The following CASZ1 variants were observed in gnomAD, a reference collection of about 807,000 sequenced individuals.
CASZ1 encodes the protein zinc finger protein castor homolog 1.
CASZ1 carries 28 observed loss-of-function variants against 135.2 expected under a neutral mutation model. That is an observed-to-expected ratio of 0.21 (90% confidence interval 0.15 to 0.28). The LOEUF is 0.28. Ranked by LOEUF, CASZ1 falls within the 10% of genes least tolerant of loss-of-function variation. CASZ1 has a pLI of 1.00. For synonymous variants in CASZ1, 1,068 were observed against 1,073.4 expected (o/e 0.99, Z 0.10); for missense variants, 2,161 against 2,453.3 (o/e 0.88, Z 2.52).
At chr1:10,645,167 TG>T in intron 17 of CASZ1, 79 bp from the exon 18 acceptor site, 1 of 1,267,064 alleles carries the variant, frequency 7.9e-7, no homozygotes, top group Admixed American at 1.9e-5. Context: ...GAGGCTGTGG[TG>T]GGCCCTTGGC....
rs775006742 is a variant in CASZ1, at chr1:10,719,151, C to T, written c.-76-13607G>A. On this transcript the variant is annotated intron_variant, in intron 2 of 20. Transcript: ENST00000377022. The surrounding 1 kb of genome is among the most constrained non-coding windows in gnomAD (Gnocchi z 4.0). ...CAGACTAGTCTCGAACTCCTGACCT[C>T]AAGCAATCTGCCCGCTTCCGGCTCC... Among the ~76,000 whole-genome samples, 50 of 152,148 alleles carry T rather than the reference C, an allele frequency of 3.3e-4. No homozygotes were observed. The highest frequency in any genetic ancestry group is 8.8e-5 in the Non-Finnish European group (6 of 68,044).
rs748977966 is a variant in CASZ1 at position 10,647,781 on chromosome 1, C to T, written c.3497+20G>A. 6.8e-6 allele frequency: 11 copies of T among 1,612,554 alleles called. No individual in the cohort carries two copies. The highest frequency in any genetic ancestry group is 1.7e-5 in the Admixed American group (1 of 59,998). ...AGACGCGAGGGGAACGCGGGACTCC[C>T]GGCTCATCGAGGGACTCACTTCTCC... On this transcript the variant is annotated intron_variant, in intron 16 of 20. Coordinates refer to ENST00000377022, the MANE Select transcript of CASZ1 (RefSeq NM_001079843.3). This position sits in a 1 kb window ranked among gnomAD's most constrained non-coding sequence, Gnocchi z 4.9.
rs961461518 is a variant in CASZ1, at chr1:10,706,775, G to T, written c.-76-1231C>A. Among the ~76,000 whole-genome samples the T allele has an allele frequency of 2.6e-5, 4 of 152,168 alleles. No homozygotes were observed. The highest frequency in any genetic ancestry group is 5.9e-5 in the Non-Finnish European group (4 of 68,012). ...ATACAGGGCTCTGGGAGGGCTGAGAGCCCGGTGGGTTGGTGGTTAGGAAGT... is the reference window on the plus strand; with the variant it reads ...ATACAGGGCTCTGGGAGGGCTGAGATCCCGGTGGGTTGGTGGTTAGGAAGT... On this transcript the variant is annotated intron_variant, in intron 2 of 20. Transcript: ENST00000377022. This position sits in a 1 kb window ranked among gnomAD's most constrained non-coding sequence, Gnocchi z 4.3.
In CASZ1 at chr1:10,776,784, C is replaced by T. The variant is rs1382840572; in HGVS notation, c.-233-15927G>A. 6.6e-6 allele frequency among the ~76,000 whole-genome samples: 1 copy of T among 152,176 alleles called. No homozygotes were observed. Among genetic ancestry groups the T allele is most frequent in the Non-Finnish European group, 1.5e-5 (1 of 68,022 alleles). ...GGAAGGGGTGACGGCTCTATGGGGG[C>T]CAACCCTCTTGCTCATCTTGGGAGG... is the stretch of plus-strand genomic sequence containing the variant. On this transcript the variant is annotated intron_variant, in intron 1 of 20. Coordinates refer to ENST00000377022, the MANE Select transcript of CASZ1 (RefSeq NM_001079843.3). The surrounding 1 kb of genome is among the most constrained non-coding windows in gnomAD (Gnocchi z 4.1).
At chr1:10,693,735 G>A (rs988960919) in intron 4 of CASZ1, 139 bp downstream of exon 4, 1 of 806,302 alleles carries the variant, frequency 1.2e-6, no homozygotes. Flanking sequence ...CCGAGGCCGG[G>A]ACGCCGGGAG....
Position 10,719,034 on chromosome 1 carries a change from TC to T in CASZ1, c.-76-13491del, listed in dbSNP as rs1192063883. 6.6e-6 allele frequency among the ~76,000 whole-genome samples: 1 copy of T among 152,154 alleles called. No homozygotes were observed. The highest frequency in any genetic ancestry group is 2.4e-5 in the African/African-American group (1 of 41,432). Reference sequence around the variant, plus strand: ...TTCAAGCAATTGTTGTGCCTCAGCCTCCCGAGTAACTGGGATTACAGGCACT... The same window carrying T: ...TTCAAGCAATTGTTGTGCCTCAGCCTCCGAGTAACTGGGATTACAGGCACT... On this transcript the variant is annotated intron_variant, in intron 2 of 20. Transcript: ENST00000377022. The surrounding 1 kb of genome is among the most constrained non-coding windows in gnomAD (Gnocchi z 4.0).
Position 10,706,336 on chromosome 1 carries a change from C to G in CASZ1, c.-76-792G>C, listed in dbSNP as rs893424017. ...GTGGAGAGAAAACACAGGGAGTCCC[C>G]CCGCCAGCCTGCTGGCCAGGCCCCC... On this transcript the variant is annotated intron_variant, in intron 2 of 20. Transcript: ENST00000377022. This position sits in a 1 kb window ranked among gnomAD's most constrained non-coding sequence, Gnocchi z 4.3. Among the ~76,000 whole-genome samples, 3 of 152,170 alleles carry G rather than the reference C, an allele frequency of 2.0e-5. No individual in the cohort carries two copies. The highest frequency in any genetic ancestry group is 7.2e-5 in the African/African-American group (3 of 41,446).
In CASZ1 at chr1:10,701,610, CA is replaced by C. The variant is rs1033049254; in HGVS notation, c.-24+3881del. On this transcript the variant is annotated intron_variant, in intron 3 of 20. Coordinates refer to ENST00000377022, the MANE Select transcript of CASZ1 (RefSeq NM_001079843.3). This position sits in a 1 kb window ranked among gnomAD's most constrained non-coding sequence, Gnocchi z 6.3. ...CAGTGCGGGAGAGAGGAAGTACCAC[CA>C]GGGCTAAGGGGAGCTTCTGTCCTGC... Among the ~76,000 whole-genome samples, 5 of 152,168 alleles carry C rather than the reference CA, an allele frequency of 3.3e-5. No individual in the cohort carries two copies.
intron 4 of CASZ1, among the ~76,000 whole-genome samples, chr1:10,680,276 G>A (rs1308888501): frequency 7.1e-6 from 1 of 140,714 alleles, no homozygotes; most frequent in Non-Finnish European, 1.6e-5. Context: ...GGGGCGGGGC[G>A]GCGGGGGATG....
In CASZ1 at chr1:10,665,189, T is replaced by C. The variant is rs751410573; in HGVS notation, c.399A>G (p.Glu133=). 1.3e-5 allele frequency: 21 copies of C among 1,573,690 alleles called. No homozygotes were observed. The Middle Eastern group carries it at 8.5e-4, about 64-fold the overall frequency. The change falls in exon 5 of 21, where the codon GAA becomes GAG. Residue 133 remains glutamate (E), a synonymous_variant. Coordinates refer to ENST00000377022, the MANE Select transcript of CASZ1 (RefSeq NM_001079843.3). ...MVQPQGCSDE[E]DHAEEPSKDG... ...CCTTGGAGGGCTCCTCCGCGTGGTCTTCCTCATCGCTGCACCCCTGGGGCT... is the reference window on the plus strand; with the variant it reads ...CCTTGGAGGGCTCCTCCGCGTGGTCCTCCTCATCGCTGCACCCCTGGGGCT...
At position 10,647,167 on chromosome 1, in the gene CASZ1, A is replaced by T; in HGVS notation, c.3497+634T>A. The T allele has an allele frequency of 1.1e-6, 1 of 915,784 alleles. No individual in the cohort carries two copies. Among genetic ancestry groups the T allele is most frequent in the Middle Eastern group, 5.6e-4 (1 of 1,786 alleles). 56.7% of individuals were successfully genotyped at this position (915,784 alleles called of 1,614,324 possible). ...TGGGCCCCTTCCATGCTGTGGGCCC[A>T]GCCCCAGTTGCTCAGAGAGGGAGGA... On this transcript the variant is annotated intron_variant, in intron 16 of 20. Coordinates refer to ENST00000377022, the MANE Select transcript of CASZ1 (RefSeq NM_001079843.3). This position sits in a 1 kb window ranked among gnomAD's most constrained non-coding sequence, Gnocchi z 4.9.
At position 10,743,671 on chromosome 1, in the gene CASZ1, G is replaced by GGGT. The variant is rs60105451; in HGVS notation, c.-77+17029_-77+17030insACC. On this transcript the variant is annotated intron_variant, in intron 2 of 20. Transcript: ENST00000377022. Reference sequence around the variant, plus strand: ...TTATGACAGTCTCCAAAATGGGGGGGCGGGGTGCGGGGGGAGGAGAAGAGG... The same window carrying GGGT: ...TTATGACAGTCTCCAAAATGGGGGGGGGTCGGGGTGCGGGGGGAGGAGAAGAGG... Among the ~76,000 whole-genome samples the GGGT allele has an allele frequency of 5.4e-3, 753 of 138,404 alleles. 9 individuals carry two copies. Among genetic ancestry groups the GGGT allele is most frequent in the African/African-American group, 0.019 (709 of 36,906 alleles). The allele number at this position is 138,404 out of a possible 152,430, so 90.8% of individuals were successfully genotyped here. A position where few individuals can be genotyped will look rare whatever the true frequency, so the allele number is the denominator to read the frequency against.
intron 15 of CASZ1, 21 bp from the exon 16 acceptor site, chr1:10,648,160 G>C: frequency 1.4e-6 from 2 of 1,469,730 alleles, no homozygotes; most frequent in Non-Finnish European, 1.8e-6. Flanking sequence ...TAGAAGAGGG[G>C]GTCTCATGGG....
intron 5 of CASZ1, 29 bp downstream of exon 5, chr1:10,665,054 C>T (rs1480771638): frequency 6.7e-7 from 1 of 1,496,104 alleles, no homozygotes; most frequent in Non-Finnish European, 8.9e-7. Context: ...TCCTGGCCTT[C>T]AGCCTCCCTT....
chr1:10,672,435 C>T (rs1025097000), intron 4 of CASZ1, among the ~76,000 whole-genome samples: 4 of 150,050 alleles, frequency 2.7e-5, no homozygotes, highest in Admixed American at 6.6e-5. Flanking sequence ...GTCCTTGGGA[C>T]GGACAGTGAT....
In CASZ1 at chr1:10,694,914, T is replaced by G. The variant is rs1000888463; in HGVS notation, c.-23-1002A>C. 7.0e-6 allele frequency among the ~76,000 whole-genome samples: 1 copy of G among 142,540 alleles called. No individual in the cohort carries two copies. The highest frequency in any genetic ancestry group is 2.5e-5 in the African/African-American group (1 of 39,600). The allele number at this position is 142,540 out of a possible 152,430, so 93.5% of individuals were successfully genotyped here. A position where few individuals can be genotyped will look rare whatever the true frequency, so the allele number is the denominator to read the frequency against. ...GCCGGCGGCCGCGCGCGCGCTCGCA[T>G]GCTGCCAGCGGCCGCTCGGGCCCCG... On this transcript the variant is annotated intron_variant, in intron 3 of 20. Transcript: ENST00000377022. The surrounding 1 kb of genome is among the most constrained non-coding windows in gnomAD (Gnocchi z 6.6).
chr1:10,665,102 G>T lies in CASZ1; in HGVS notation c.486C>A (p.Pro162=), dbSNP rs368530771. Residue 162 remains proline, a synonymous_variant, in exon 5 of 21, where the codon CCC becomes CCA. Transcript: ENST00000377022. The part of the protein sequence containing the change: ...DGAASKEDSG[P]STRQASGEAS... ...ACCCACCTGAAGCCTGCCTGGTGCT[G>T]GGGCCGCTGTCCTCCTTGGAGGCTG... is the stretch of plus-strand genomic sequence containing the variant. 8.0e-6 allele frequency: 12 copies of T among 1,507,084 alleles called. No individual in the cohort carries two copies. The African/African-American group carries it at 1.7e-4, about 21-fold the overall frequency. 93.4% of individuals were successfully genotyped at this position (1,507,084 alleles called of 1,614,324 possible). A position where few individuals can be genotyped will look rare whatever the true frequency, so the allele number is the denominator to read the frequency against.
At chr1:10,691,921 A>G (rs531916099) in intron 4 of CASZ1, among the ~76,000 whole-genome samples, 8 of 152,324 alleles carry the variant, frequency 5.3e-5, no homozygotes, top group Admixed American at 4.6e-4. Flanking sequence ...CTCCCCTCTG[A>G]GTGGCCAGAG....
intron 2 of CASZ1, among the ~76,000 whole-genome samples, chr1:10,748,973 G>T (rs1640099290): frequency 6.6e-6 from 1 of 152,186 alleles, no homozygotes; most frequent in African/African-American, 2.4e-5. Context: ...GTCTTTGGGG[G>T]TCAGGTTGCA....
Sources: allele counts gnomAD v4.1 joint callset (sites outside exome capture counted in the v4.1 genomes callset), GRCh38; gene constraint gnomAD v4.1.1; non-coding constraint Gnocchi (gnomAD v3.1); transcripts MANE v1.5; gene names NCBI Gene and HGNC (gene_info 2026-07-23, HGNC 2026-07-21).